Variants in XKR4 observed in about 807,000 individuals in gnomAD.
XKR4 encodes XK related 4.
XKR4 carries 12 observed loss-of-function variants against 53.9 expected under a neutral mutation model. The ratio of observed to expected loss-of-function variants is 0.22; its 90% confidence interval spans 0.14 to 0.36. The LOEUF (loss-of-function observed/expected upper bound fraction) is 0.36, where lower values mean the gene tolerates loss of function less well. XKR4 is among the 10% of genes least tolerant of loss of function. XKR4 has a pLI of 1.00. For missense variants in XKR4, 799 were observed against 859.5 expected (o/e 0.93, Z 0.88); for synonymous variants, 354 against 362.4 (o/e 0.98, Z 0.26).
At chr8:55,191,377 T>C (rs771935166) in intron 1 of XKR4, among the ~76,000 whole-genome samples, 6 of 152,180 alleles carry the variant, frequency 3.9e-5, no homozygotes, top group Non-Finnish European at 7.3e-5. Context: ...GTTTAGTCTT[T>C]CGATTTTATC....
chr8:55,504,716 A>G (rs1201244452), intron 2 of XKR4, among the ~76,000 whole-genome samples: 1 of 152,126 alleles, frequency 6.6e-6, no homozygotes, highest in African/African-American at 2.4e-5. Flanking sequence ...GTTTTGCCTA[A>G]CAGATGTTAT....
intron 2 of XKR4, among the ~76,000 whole-genome samples, chr8:55,429,756 G>T (rs1441088538): frequency 2.6e-5 from 4 of 151,280 alleles, no homozygotes. Context: ...AAAAGAAAAA[G>T]AAAGAAAGAA....
At chr8:55,236,359 C>T (rs1818123041) in intron 1 of XKR4, among the ~76,000 whole-genome samples, 1 of 152,156 alleles carries the variant, frequency 6.6e-6, no homozygotes, top group Admixed American at 6.5e-5. Context: ...CTTGTACCTC[C>T]TGGTCTGCAT....
intron 1 of XKR4, among the ~76,000 whole-genome samples, chr8:55,208,881 T>A (rs1817685657): frequency 6.6e-6 from 1 of 152,208 alleles, no homozygotes; most frequent in Non-Finnish European, 1.5e-5. Context: ...TGCTCTTGGA[T>A]CAGTCCCAAG....
rs1049576443 is a variant in XKR4 at position 55,102,317 on chromosome 8, C to CCGGCGGG, written c.-158_-152dup. On this transcript the variant is annotated 5_prime_UTR_variant, in exon 1 of 3. Coordinates refer to ENST00000327381, the MANE Select transcript of XKR4 (RefSeq NM_052898.2). This position sits in a 1 kb window ranked among gnomAD's most constrained non-coding sequence, Gnocchi z 5.1. ...CCGCTAGCCCGGCCCAGCGCCCAGC[C>CCGGCGGG]CGGCGGGCGGCGGGCGGCGGCGGAC... 2.3e-4 allele frequency: 213 copies of CCGGCGGG among 931,102 alleles called. No homozygotes were observed. Among genetic ancestry groups the CCGGCGGG allele is most frequent in the Middle Eastern group, 1.0e-3 (2 of 1,946 alleles). The allele number at this position is 931,102 out of a possible 1,614,324, so 57.7% of individuals were successfully genotyped here.
At chr8:55,290,233 G>T (rs112160736) in intron 1 of XKR4, among the ~76,000 whole-genome samples, 90 of 150,432 alleles carry the variant, frequency 6.0e-4, no homozygotes, top group African/African-American at 2.1e-3. Context: ...GGGTTCAATT[G>T]ATTCTCTTGC....
chr8:55,325,413 AG>A (rs1366275368), intron 1 of XKR4, among the ~76,000 whole-genome samples: 1 of 152,058 alleles, frequency 6.6e-6, no homozygotes, highest in African/African-American at 2.4e-5. Flanking sequence ...ATTTCCAAGC[AG>A]GGGGGCAGAA....
At chr8:55,415,625 T>C (rs1804835732) in intron 2 of XKR4, among the ~76,000 whole-genome samples, 1 of 152,204 alleles carries the variant, frequency 6.6e-6, no homozygotes, top group Non-Finnish European at 1.5e-5. Context: ...ATTAAACTCC[T>C]TCGAAGCCAC....
chr8:55,306,663 A>T (rs1027719583), intron 1 of XKR4, among the ~76,000 whole-genome samples: 1 of 152,188 alleles, frequency 6.6e-6, no homozygotes, highest in Admixed American at 6.5e-5. Context: ...TGCCCCCATT[A>T]TTCAGTTACC....
chr8:55,487,056 C>A (rs530953729), intron 2 of XKR4, among the ~76,000 whole-genome samples: 28 of 152,264 alleles, frequency 1.8e-4, no homozygotes, highest in African/African-American at 5.1e-4. Context: ...TAAGAAGTCC[C>A]ATGACAGACT....
intron 2 of XKR4, among the ~76,000 whole-genome samples, chr8:55,478,781 C>G (rs1052256377): frequency 2.0e-5 from 3 of 152,126 alleles, no homozygotes; most frequent in Admixed American, 2.0e-4. Context: ...TTTAAACCAA[C>G]AGAGATCAAA....
intron 2 of XKR4, among the ~76,000 whole-genome samples, chr8:55,491,944 T>C (rs1806278489): frequency 6.6e-6 from 1 of 152,208 alleles, no homozygotes; most frequent in African/African-American, 2.4e-5. Flanking sequence ...AGGATGCCGA[T>C]GCAGGTTTCT....
chr8:55,194,966 T>A (rs1817485086), intron 1 of XKR4, among the ~76,000 whole-genome samples: 1 of 152,216 alleles, frequency 6.6e-6, no homozygotes, highest in Non-Finnish European at 1.5e-5. Context: ...GATGTCTACG[T>A]GACTGGGAAC....
At chr8:55,311,604 A>G (rs1046057982) in intron 1 of XKR4, among the ~76,000 whole-genome samples, 3 of 152,292 alleles carry the variant, frequency 2.0e-5, no homozygotes, top group African/African-American at 7.2e-5. Flanking sequence ...CAAGTATCAT[A>G]GCTAAGAAAA....
At chr8:55,398,594 T>C (rs1480811508) in intron 2 of XKR4, among the ~76,000 whole-genome samples, 1 of 152,168 alleles carries the variant, frequency 6.6e-6, no homozygotes, top group African/African-American at 2.4e-5. Context: ...TAATTGGCTC[T>C]GCGGCTTTAG....
intron 2 of XKR4, among the ~76,000 whole-genome samples, chr8:55,469,249 A>G (rs892129181): frequency 1.3e-5 from 2 of 152,136 alleles, no homozygotes; most frequent in Non-Finnish European, 2.9e-5. Flanking sequence ...ACAACACTGT[A>G]GCCAGGTTGA....
chr8:55,289,739 A>AAAAAGAAAG (rs1818974209), intron 1 of XKR4, among the ~76,000 whole-genome samples: 1 of 13,844 alleles, frequency 7.2e-5, no homozygotes, highest in Non-Finnish European at 1.6e-3. Context: ...GAAAGAAAGA[A>AAAAAGAAAG]AGAAAAAGAA....
intron 1 of XKR4, among the ~76,000 whole-genome samples, chr8:55,120,611 G>C (rs760784087): frequency 1.3e-5 from 2 of 151,666 alleles, no homozygotes; most frequent in Admixed American, 1.3e-4. Flanking sequence ...GGAAAGTACC[G>C]AAAGTTCCCA....
chr8:55,261,707 A>G (rs1818528114), intron 1 of XKR4, among the ~76,000 whole-genome samples: 1 of 152,208 alleles, frequency 6.6e-6, no homozygotes, highest in Non-Finnish European at 1.5e-5. Flanking sequence ...ATTTGGAAAC[A>G]GACAGCTGAG....
Sources: allele counts gnomAD v4.1 joint callset (sites outside exome capture counted in the v4.1 genomes callset), GRCh38; gene constraint gnomAD v4.1.1; non-coding constraint Gnocchi (gnomAD v3.1); transcripts MANE v1.5; gene names NCBI Gene and HGNC (gene_info 2026-07-23, HGNC 2026-07-21).